HEG1: variants seen among roughly 807,000 people sequenced by gnomAD.
HEG1 encodes heart development protein with EGF like domains 1.
HEG1 carries 56 observed loss-of-function variants against 125.6 expected under a neutral mutation model. The observed-to-expected ratio is 0.45, with a 90% CI of 0.36 to 0.56. HEG1 has a LOEUF of 0.56. Ranked by LOEUF, HEG1 falls within the 20% of genes least tolerant of loss-of-function variation. The pLI, the probability that HEG1 is intolerant of heterozygous loss-of-function variation, is 0.00. For missense variants in HEG1, 1,523 were observed against 1,670.0 expected (o/e 0.91, Z 1.53); for synonymous variants, 644 against 668.5 (o/e 0.96, Z 0.57).
At chr3:125,021,526 G>A (rs1374332006) in intron 3 of HEG1, among the ~76,000 whole-genome samples, 1 of 152,178 alleles carries the variant, frequency 6.6e-6, no homozygotes, top group Non-Finnish European at 1.5e-5. Flanking sequence ...TAACCTTTTT[G>A]TTCAAATGCT....
rs550961561 is a variant in HEG1 at position 125,032,808 on chromosome 3, C to T, written c.317-3320G>A. 2.0e-4 allele frequency among the ~76,000 whole-genome samples: 31 copies of T among 152,346 alleles called. No homozygotes were observed. The South Asian group carries it at 5.8e-3, about 29-fold the overall frequency. On this transcript the variant is annotated intron_variant, in intron 1 of 16. Coordinates refer to ENST00000311127, the MANE Select transcript of HEG1 (RefSeq NM_020733.2). Reference sequence around the variant, plus strand: ...CTCTGAGCAAAGGGAAGGCAATGAACTTGGCTCCATTACAACCTTCAGACA... The same window carrying T: ...CTCTGAGCAAAGGGAAGGCAATGAATTTGGCTCCATTACAACCTTCAGACA...
At position 125,010,511 on chromosome 3, in the gene HEG1, C is replaced by T. The variant is rs202152154; in HGVS notation, c.3001G>A (p.Val1001Ile). The T allele has an allele frequency of 5.0e-5, 78 of 1,560,186 alleles. No homozygotes were observed. Among genetic ancestry groups the T allele is most frequent in the Admixed American group, 1.5e-4 (8 of 52,242 alleles). The change falls in exon 7 of 17, where the codon GTC becomes ATC. Residue 1001 changes from valine (V) to isoleucine (I), a missense_variant. By Grantham distance (29) the Val-to-Ile change is conservative (BLOSUM62 3). Coordinates refer to ENST00000311127, the MANE Select transcript of HEG1 (RefSeq NM_020733.2). ...TAGCCACGGCTGGTGTTGTCTGCGA[C>T]GCATTCGCCATTGTGAAGACAAGGG... is the stretch of plus-strand genomic sequence containing the variant. The part of the protein sequence containing the change: ...VNPCLHNGEC[V>I]ADNTSRGYHC...
At position 125,002,020 on chromosome 3, in the gene HEG1, CAA is replaced by C; in HGVS notation, c.3357-10_3357-9del. 6.2e-7 allele frequency: 1 copy of C among 1,613,742 alleles called. No homozygotes were observed. Among genetic ancestry groups the C allele is most frequent in the Non-Finnish European group, 8.5e-7 (1 of 1,179,798 alleles). On this transcript the variant is annotated splice_polypyrimidine_tract_variant and intron_variant, in intron 10 of 16. Transcript: ENST00000311127. Reference sequence around the variant, plus strand: ...ACCACCGCGTTGGACTCCCTATAGGCAAAGTTTGTGGGTTTTTAACAGCCCTG... The same window carrying C: ...ACCACCGCGTTGGACTCCCTATAGGCAGTTTGTGGGTTTTTAACAGCCCTG...
chr3:125,000,923 C>G lies in HEG1; in HGVS notation c.3517+929G>C, dbSNP rs569898724. Among the ~76,000 whole-genome samples the G allele has an allele frequency of 2.6e-5, 4 of 152,352 alleles. No homozygotes were observed. The East Asian group carries it at 5.8e-4, about 22-fold the overall frequency. ...CTAACTTTGATCATGTAGCACGTGG[C>G]AACAGGGACAAGCCCCCTTTGCAAA... On this transcript the variant is annotated intron_variant, in intron 11 of 16. Coordinates refer to ENST00000311127, the MANE Select transcript of HEG1 (RefSeq NM_020733.2).
intron 1 of HEG1, among the ~76,000 whole-genome samples, chr3:125,043,590 T>C (rs1462680908): frequency 6.6e-6 from 1 of 152,050 alleles, no homozygotes; most frequent in Non-Finnish European, 1.5e-5. Flanking sequence ...CTCTCATCCT[T>C]TGACAAATAA....
chr3:125,036,349 A>C (rs1224007333), intron 1 of HEG1, among the ~76,000 whole-genome samples: 1 of 152,156 alleles, frequency 6.6e-6, no homozygotes, highest in East Asian at 1.9e-4. Context: ...ATAAATAGCA[A>C]CATAAGCAGG....
At chr3:125,027,866 T>C (rs1038924638) in intron 2 of HEG1, among the ~76,000 whole-genome samples, 1 of 152,174 alleles carries the variant, frequency 6.6e-6, no homozygotes, top group Admixed American at 6.5e-5. Flanking sequence ...ATTCCTAATA[T>C]CTGGGTGACC....
At chr3:124,977,193 G>A (rs1350064961) in intron 15 of HEG1, among the ~76,000 whole-genome samples, 2 of 152,138 alleles carry the variant, frequency 1.3e-5, no homozygotes, top group Non-Finnish European at 2.9e-5. Flanking sequence ...CTTCCACCAT[G>A]ATTATGAGGC....
At chr3:125,001,530 T>C (rs1216892784) in intron 11 of HEG1, among the ~76,000 whole-genome samples, 3 of 152,148 alleles carry the variant, frequency 2.0e-5, no homozygotes, top group Non-Finnish European at 4.4e-5. Context: ...AAAAGAGTGA[T>C]TTCTGCTTTG....
intron 1 of HEG1, among the ~76,000 whole-genome samples, chr3:125,054,890 C>G (rs1937895745): frequency 1.3e-5 from 2 of 152,094 alleles, no homozygotes; most frequent in Non-Finnish European, 2.9e-5. Flanking sequence ...GAACTGGACA[C>G]AAAGGTAGCA....
At chr3:124,984,176 G>A (rs530112907) in intron 14 of HEG1, among the ~76,000 whole-genome samples, 2 of 152,248 alleles carry the variant, frequency 1.3e-5, no homozygotes, top group Non-Finnish European at 2.9e-5. Flanking sequence ...TCAGACCGTG[G>A]GTTGGGCTGG....
At chr3:125,036,922 TA>T (rs1361540005) in intron 1 of HEG1, among the ~76,000 whole-genome samples, 5 of 152,228 alleles carry the variant, frequency 3.3e-5, no homozygotes, top group African/African-American at 1.2e-4. Flanking sequence ...AATAGGCATA[TA>T]TTTTGGCCCA....
At chr3:124,980,644 G>A (rs1035430676) in intron 14 of HEG1, among the ~76,000 whole-genome samples, 1 of 152,054 alleles carries the variant, frequency 6.6e-6, no homozygotes, top group Non-Finnish European at 1.5e-5. Flanking sequence ...AACCTCCTGA[G>A]TAGCTGTGAT....
In HEG1 at chr3:125,012,682, G is replaced by C. The variant is rs1449817286; in HGVS notation, c.2897C>G (p.Ala966Gly). 11 of 1,613,912 alleles carry C rather than the reference G, an allele frequency of 6.8e-6. No homozygotes were observed. Among genetic ancestry groups the C allele is most frequent in the Non-Finnish European group, 8.5e-6 (10 of 1,179,860 alleles). Residue 966 changes from alanine (A) to glycine (G), a missense_variant, in exon 6 of 17, where the codon GCC becomes GGC. Ala to Gly is a moderately conservative substitution (Grantham distance 60). Transcript: ENST00000311127. ...STAEDLAPKS[A>G]TFAVQSSTQS... ...TGTGCTGCTCTGAACAGCAAAGGTG[G>C]CAGATTTGGGAGCCAAGTCTTCAGC...
chr3:125,034,590 G>A (rs1297711004), intron 1 of HEG1, among the ~76,000 whole-genome samples: 2 of 152,132 alleles, frequency 1.3e-5, no homozygotes, highest in South Asian at 2.1e-4. Flanking sequence ...TTGAGCCCAC[G>A]AGTTCAAGAC....
At chr3:125,003,290 A>C (rs1326300708) in intron 9 of HEG1, among the ~76,000 whole-genome samples, 1 of 152,218 alleles carries the variant, frequency 6.6e-6, no homozygotes, top group Non-Finnish European at 1.5e-5. Flanking sequence ...TGGGCAAAAA[A>C]TAGCAAGTCA....
chr3:124,988,544 T>C (rs1365751194), intron 14 of HEG1, among the ~76,000 whole-genome samples: 2 of 152,214 alleles, frequency 1.3e-5, no homozygotes, highest in African/African-American at 4.8e-5. Context: ...CATGGTTCTA[T>C]GGCCCCACAG....
intron 14 of HEG1, among the ~76,000 whole-genome samples, chr3:124,981,914 T>A (rs1245972221): frequency 2.1e-4 from 14 of 65,616 alleles, no homozygotes; most frequent in African/African-American, 6.7e-4. Flanking sequence ...ACATACATAT[T>A]TTTTTTTTTT....
chr3:125,013,932 G>T lies in HEG1; in HGVS notation c.1647C>A (p.Ser549Arg). Residue 549 changes from serine to arginine, a missense_variant, in exon 6 of 17, where the codon AGC (serine) becomes AGA (arginine). Transcript: ENST00000311127. ...ACAGGTAGGTGTGGTCTGTGTGGTC[G>T]CTGGAAGTCCTTTGTTCAATAGCTG... ...RGTAIEQRTS[S>R]DHTDHTYLSS... The T allele has an allele frequency of 1.2e-6, 2 of 1,613,184 alleles. No homozygotes were observed. Among genetic ancestry groups the T allele is most frequent in the Non-Finnish European group, 1.7e-6 (2 of 1,179,674 alleles).
Sources: allele counts gnomAD v4.1 joint callset (sites outside exome capture counted in the v4.1 genomes callset), GRCh38; gene constraint gnomAD v4.1.1; transcripts MANE v1.5; gene names NCBI Gene and HGNC (gene_info 2026-07-23, HGNC 2026-07-21).